The following PLEKHA3 variants were observed in gnomAD, a reference collection of about 807,000 sequenced individuals.
PLEKHA3 encodes the protein pleckstrin homology domain-containing family A member 3.
In PLEKHA3, 19 loss-of-function variants were observed where a neutral mutation model predicts 39.2. The ratio of observed to expected loss-of-function variants is 0.48; its 90% CI spans 0.34 to 0.71. The LOEUF (loss-of-function observed/expected upper bound fraction) is 0.71, where lower values mean the gene tolerates loss of function less well. PLEKHA3 is among the 30% of genes least tolerant of loss of function. The pLI, the probability that PLEKHA3 is intolerant of heterozygous loss-of-function variation, is 0.01. For missense variants in PLEKHA3, 253 were observed against 359.5 expected, an observed-to-expected ratio of 0.70 and a Z score of 2.40; for synonymous variants, 97 against 118.6, an observed-to-expected ratio of 0.82 and a Z score of 1.18.
chr2:178,506,646 G>C lies in PLEKHA3; in HGVS notation c.*2759G>C, dbSNP rs1685603898. On this transcript the variant is annotated 3_prime_UTR_variant, in exon 8 of 8. Coordinates refer to ENST00000234453, the MANE Select transcript of PLEKHA3 (RefSeq NM_019091.4). ...TGTGATATGTTAATACCAGATTGCTGTTTACACTAATTCCATATACATGAT... is the reference window on the plus strand; with the variant it reads ...TGTGATATGTTAATACCAGATTGCTCTTTACACTAATTCCATATACATGAT... The C allele has an allele frequency of 6.6e-6, 1 of 152,170 alleles. No individual in the cohort carries two copies. The highest frequency in any genetic ancestry group is 2.4e-5 in the African/African-American group (1 of 41,452). The allele number at this position is 152,170 out of a possible 1,614,324, so 9.4% of individuals were successfully genotyped here. A position where few individuals can be genotyped will look rare whatever the true frequency, so the allele number is the denominator to read the frequency against.
rs1451935705 is a variant in PLEKHA3 at position 178,501,118 on chromosome 2, C to T, written c.717C>T (p.Arg239=). 1.2e-6 allele frequency: 2 copies of T among 1,613,384 alleles called. No individual in the cohort carries two copies. Among genetic ancestry groups the T allele is most frequent in the Non-Finnish European group, 1.7e-6 (2 of 1,179,468 alleles). The change falls in exon 7 of 8, where the codon CGC becomes CGT. Residue 239 remains arginine (R), a synonymous_variant. Transcript: ENST00000234453. ...CACTTCACCGACTCTCCCAGCGACG[C>T]CGAAGAACCTACTCAGATACAGATT... ...VSTLHRLSQR[R]RRTYSDTDSC...
intron 2 of PLEKHA3, among the ~76,000 whole-genome samples, chr2:178,487,637 C>A (rs558017259): frequency 6.6e-6 from 1 of 152,142 alleles, no homozygotes; most frequent in African/African-American, 2.4e-5. Context: ...TGGGATTTCA[C>A]CGTGTTGCAA....
chr2:178,512,665 G>A lies in PLEKHA3; in HGVS notation c.*8778G>A, dbSNP rs890837631. ...AGTAGGCAGAACTCCTTTTGGATGCGGTGAAGCATTTTATGAGTGAACAAT... is the reference window on the plus strand; with the variant it reads ...AGTAGGCAGAACTCCTTTTGGATGCAGTGAAGCATTTTATGAGTGAACAAT... On this transcript the variant is annotated 3_prime_UTR_variant, in exon 8 of 8. Coordinates refer to ENST00000234453, the MANE Select transcript of PLEKHA3 (RefSeq NM_019091.4). The A allele has an allele frequency of 3.3e-5, 5 of 153,702 alleles. No homozygotes were observed. The highest frequency in any genetic ancestry group is 2.1e-4 in the South Asian group (1 of 4,822). The allele number at this position is 153,702 out of a possible 1,614,324, so 9.5% of individuals were successfully genotyped here.
At chr2:178,494,343 T>G (rs985376234) in intron 4 of PLEKHA3, among the ~76,000 whole-genome samples, 1 of 152,224 alleles carries the variant, frequency 6.6e-6, no homozygotes, top group Non-Finnish European at 1.5e-5. Flanking sequence ...AGGTCCCTGC[T>G]TCAACTATGA....
At chr2:178,490,973 A>G (rs1294532294) in intron 3 of PLEKHA3, among the ~76,000 whole-genome samples, 159 bp downstream of exon 3, 1 of 151,552 alleles carries the variant, frequency 6.6e-6, no homozygotes, top group Admixed American at 6.6e-5. Context: ...TGTAAAAGCT[A>G]TAAATTTAGG....
Position 178,503,775 on chromosome 2 carries a change from C to T in PLEKHA3, c.791C>T (p.Ser264Leu), listed in dbSNP as rs759403325. ...GTCTTCATAGGACCTGTTCACTGTTCAAAAAATACACTTAATGGAGATTTG... is the reference window on the plus strand; with the variant it reads ...GTCTTCATAGGACCTGTTCACTGTTTAAAAAATACACTTAATGGAGATTTG... ...LEDPDRPVHC[S>L]KNTLNGDLAS... Residue 264 changes from serine to leucine, a missense_variant, in exon 8 of 8, where the codon TCA (serine) becomes TTA (leucine). Ser to Leu is a moderately radical substitution (Grantham distance 145). This residue lies in a region of PLEKHA3 where 127 missense variants were observed against 136.8 expected (regional missense o/e 0.93). Coordinates refer to ENST00000234453, the MANE Select transcript of PLEKHA3 (RefSeq NM_019091.4). 1 of 1,611,366 alleles carries T rather than the reference C, an allele frequency of 6.2e-7. No homozygotes were observed. The highest frequency in any genetic ancestry group is 2.2e-5 in the East Asian group (1 of 44,750).
chr2:178,482,438 C>T (rs541987067), intron 1 of PLEKHA3, among the ~76,000 whole-genome samples: 14 of 150,500 alleles, frequency 9.3e-5, no homozygotes, highest in African/African-American at 2.4e-4. Context: ...ACTGAGGAGG[C>T]GGAGGCGAAA....
rs1685704138 is a variant in PLEKHA3, at chr2:178,512,432, TTTACTC to T, written c.*8547_*8552del. On this transcript the variant is annotated 3_prime_UTR_variant, in exon 8 of 8. Coordinates refer to ENST00000234453, the MANE Select transcript of PLEKHA3 (RefSeq NM_019091.4). Reference sequence around the variant, plus strand: ...GACTATAATGAATTCCTTCTTCACTTTTACTCTGGCAAGGTGGGAGGAGGGTGCTGT... The same window carrying T: ...GACTATAATGAATTCCTTCTTCACTTTGGCAAGGTGGGAGGAGGGTGCTGT... The T allele has an allele frequency of 6.6e-6, 1 of 152,194 alleles. No individual in the cohort carries two copies. The allele number at this position is 152,194 out of a possible 1,614,324, so 9.4% of individuals were successfully genotyped here.
Position 178,495,544 on chromosome 2 carries a change from A to G in PLEKHA3, c.499A>G (p.Ile167Val). The G allele has an allele frequency of 6.2e-7, 1 of 1,614,160 alleles. No individual in the cohort carries two copies. Among genetic ancestry groups the G allele is most frequent in the South Asian group, 1.1e-5 (1 of 91,080 alleles). ...SLLSATCNTF[I>V]TTLEECVKIA... ...GCTTAGTGCCACGTGTAACACATTCATCACAACGCTTGAGGAATGTGTGAA... is the reference window on the plus strand; with the variant it reads ...GCTTAGTGCCACGTGTAACACATTCGTCACAACGCTTGAGGAATGTGTGAA... The change falls in exon 5 of 8, where the codon ATC (isoleucine) becomes GTC (valine). Residue 167 changes from isoleucine to valine, a missense_variant. Transcript: ENST00000234453.
chr2:178,490,672 C>T lies in PLEKHA3; in HGVS notation c.171C>T (p.Asp57=). Residue 57 remains aspartate, a synonymous_variant, in exon 3 of 8, where the codon GAC becomes GAT. Transcript: ENST00000234453. ...AVCEIKVHSA[D]NTRMELIIPG... is the part of the protein sequence containing the mutation. The stretch of plus-strand genomic sequence containing the variant: ...TTATCATCATAGTTCATTCAGCAGA[C>T]AACACAAGAATGGAATTAATCATTC... The T allele has an allele frequency of 6.2e-7, 1 of 1,613,330 alleles. No individual in the cohort carries two copies. Among genetic ancestry groups the T allele is most frequent in the Non-Finnish European group, 8.5e-7 (1 of 1,179,540 alleles).
At position 178,495,427 on chromosome 2, in the gene PLEKHA3, A is replaced by T. The variant is rs1006242776; in HGVS notation, c.451-69A>T. 1.4e-5 allele frequency: 19 copies of T among 1,406,790 alleles called. No individual in the cohort carries two copies. In the Admixed American group the frequency reaches 2.4e-4, roughly 18 times the overall value. 87.1% of individuals were successfully genotyped at this position (1,406,790 alleles called of 1,614,324 possible). ...TCTGTTGGAGATGTCTTATTATTTA[A>T]TGATAAGGTTGTATATGATTCCATG... On this transcript the variant is annotated intron_variant, in intron 4 of 7. Transcript: ENST00000234453.
intron 1 of PLEKHA3, among the ~76,000 whole-genome samples, chr2:178,485,094 G>A (rs114336266): frequency 0.011 from 1,739 of 152,324 alleles, 10 homozygotes; most frequent in Non-Finnish European, 0.018. Context: ...TTTATAAGAG[G>A]CACATTGCAG....
chr2:178,492,588 A>G (rs1303202634), intron 3 of PLEKHA3, among the ~76,000 whole-genome samples: 3 of 151,376 alleles, frequency 2.0e-5, no homozygotes, highest in East Asian at 2.0e-4. Flanking sequence ...TAACCTGCAC[A>G]TTGTGCACAT....
intron 2 of PLEKHA3, among the ~76,000 whole-genome samples, chr2:178,487,532 G>T (rs1685269676): frequency 6.6e-6 from 1 of 151,776 alleles, no homozygotes; most frequent in Non-Finnish European, 1.5e-5. Flanking sequence ...TCCACCTCCT[G>T]GGTTCAGGTG....
chr2:178,488,053 C>T (rs188766654), intron 2 of PLEKHA3, among the ~76,000 whole-genome samples: 446 of 151,834 alleles, frequency 2.9e-3, no homozygotes, highest in African/African-American at 9.9e-3. Flanking sequence ...GCAGGCAGAT[C>T]GCTTGTGCTC....
At chr2:178,503,274 A>C (rs1685557595) in intron 7 of PLEKHA3, among the ~76,000 whole-genome samples, 1 of 151,952 alleles carries the variant, frequency 6.6e-6, no homozygotes, top group South Asian at 2.1e-4. Context: ...TTGCTCAGAA[A>C]GTCTTAGAAT....
chr2:178,483,749 T>G (rs1685208844), intron 1 of PLEKHA3, among the ~76,000 whole-genome samples: 1 of 152,198 alleles, frequency 6.6e-6, no homozygotes, highest in Admixed American at 6.5e-5. Flanking sequence ...CAATATACTC[T>G]CAAAGATATA....
At chr2:178,490,858 T>C (rs1368469588) in intron 3 of PLEKHA3, 44 bp downstream of exon 3, 1 of 1,458,416 alleles carries the variant, frequency 6.9e-7, no homozygotes, top group Non-Finnish European at 9.2e-7. Context: ...CTTTCTTAAA[T>C]ATAAATATAA....
intron 2 of PLEKHA3, among the ~76,000 whole-genome samples, chr2:178,488,118 G>GA (rs956041867): frequency 2.1e-4 from 30 of 142,990 alleles, no homozygotes; most frequent in Non-Finnish European, 3.4e-4. Context: ...CCACAAAAAG[G>GA]AAAAAAAAAA....
Sources: allele counts gnomAD v4.1 joint callset (sites outside exome capture counted in the v4.1 genomes callset), GRCh38; gene constraint gnomAD v4.1.1; regional missense constraint gnomAD v4.1.1; transcripts MANE v1.5; gene names NCBI Gene and HGNC (gene_info 2026-07-23, HGNC 2026-07-21).